The following LMTK2 variants were observed in gnomAD, a reference collection of about 807,000 sequenced individuals.
LMTK2 encodes lemur tail kinase 2.
In LMTK2, 37 loss-of-function variants were observed where a neutral mutation model predicts 127.5. The ratio of observed to expected loss-of-function variants is 0.29; its 90% CI spans 0.22 to 0.38. LMTK2 has a LOEUF of 0.38. Among genes scored for constraint, LMTK2 ranks in the 10% least tolerant of loss-of-function variants. The pLI is 1.00. For synonymous variants in LMTK2, 819 were observed against 810.1 expected, an observed-to-expected ratio of 1.01 and a Z score of -0.19; for missense variants, 1,694 against 1,920.3, an observed-to-expected ratio of 0.88 and a Z score of 2.20.
In LMTK2 at chr7:98,205,821, A is replaced by G. The variant is rs976146799; in HGVS notation, c.*329A>G. The G allele has an allele frequency of 9.8e-6, 4 of 406,652 alleles. No homozygotes were observed. Among genetic ancestry groups the G allele is most frequent in the African/African-American group, 4.1e-5 (2 of 49,242 alleles). 25.2% of individuals were successfully genotyped at this position (406,652 alleles called of 1,614,324 possible). The stretch of plus-strand genomic sequence containing the variant: ...TGCGCGCGCGTGTGGAGCTGTGTGC[A>G]CCGCATGTGTGCTTTCCACAGGGGC... On this transcript the variant is annotated 3_prime_UTR_variant, in exon 14 of 14. Coordinates refer to ENST00000297293, the MANE Select transcript of LMTK2 (RefSeq NM_014916.4).
intron 6 of LMTK2, among the ~76,000 whole-genome samples, chr7:98,168,408 C>T (rs1294359259): frequency 2.0e-5 from 3 of 152,190 alleles, no homozygotes; most frequent in Non-Finnish European, 2.9e-5. Flanking sequence ...TTCGCGGAGG[C>T]GTGGCGGCGT....
Position 98,205,546 on chromosome 7 carries a change from C to T in LMTK2, c.*54C>T. On this transcript the variant is annotated 3_prime_UTR_variant, in exon 14 of 14. Transcript: ENST00000297293. ...GAGGCTGCTCCCCTGGAGCGGCGCC[C>T]CTGCGCCCTCAGCCCGAGCAGCGAC... The T allele has an allele frequency of 6.3e-7, 1 of 1,588,586 alleles. No individual in the cohort carries two copies.
chr7:98,157,214 C>T (rs566432166), intron 5 of LMTK2, among the ~76,000 whole-genome samples: 3 of 151,644 alleles, frequency 2.0e-5, no homozygotes, highest in East Asian at 3.9e-4. Context: ...ATCACACCAC[C>T]GTACTCTAGC....
chr7:98,192,882 C>CA lies in LMTK2; in HGVS notation c.2418dup (p.Leu807IlefsTer62). On this transcript the variant is annotated frameshift_variant, in exon 11 of 14. Coordinates refer to ENST00000297293, the MANE Select transcript of LMTK2 (RefSeq NM_014916.4). LOFTEE classifies it high-confidence loss of function. Reference sequence around the variant, plus strand: ...CTCACAGGTGACACTTTGAGCACCTCATTGCAGTCTTCCCCGGAAGTGCAG... The same window carrying CA: ...CTCACAGGTGACACTTTGAGCACCTCAATTGCAGTCTTCCCCGGAAGTGCAG... 6.2e-7 allele frequency: 1 copy of CA among 1,614,162 alleles called. No individual in the cohort carries two copies.
At chr7:98,131,930 A>T (rs543675966) in intron 1 of LMTK2, among the ~76,000 whole-genome samples, 9 of 152,340 alleles carry the variant, frequency 5.9e-5, no homozygotes, top group African/African-American at 1.7e-4. Flanking sequence ...AGGTCTTTAC[A>T]TTAGCAGTTC....
At chr7:98,205,396 C>G in intron 13 of LMTK2, 68 bp from the exon 14 acceptor site, 1 of 1,583,968 alleles carries the variant, frequency 6.3e-7, no homozygotes, top group Non-Finnish European at 8.7e-7. Context: ...CACATGCCAT[C>G]CACGCCATGC....
chr7:98,164,470 C>T (rs1239631024), intron 6 of LMTK2, among the ~76,000 whole-genome samples: 4 of 152,192 alleles, frequency 2.6e-5, no homozygotes, highest in Non-Finnish European at 5.9e-5. Context: ...TGTAAAATGG[C>T]AGTAATACTG....
At chr7:98,116,248 T>C (rs1796281385) in intron 1 of LMTK2, among the ~76,000 whole-genome samples, 1 of 152,192 alleles carries the variant, frequency 6.6e-6, no homozygotes, top group South Asian at 2.1e-4. Flanking sequence ...CCGTGTCTTA[T>C]ATCCTTGGGA....
chr7:98,138,870 C>T (rs1796635314), intron 2 of LMTK2, among the ~76,000 whole-genome samples: 2 of 152,190 alleles, frequency 1.3e-5, no homozygotes, highest in African/African-American at 2.4e-5. Flanking sequence ...AAGCTTCCCC[C>T]GGAGATGCTG....
At chr7:98,135,361 G>A (rs558101065) in intron 1 of LMTK2, among the ~76,000 whole-genome samples, 2 of 151,634 alleles carry the variant, frequency 1.3e-5, no homozygotes, top group East Asian at 1.9e-4. Context: ...CACCCAGACC[G>A]GAGTGCAGTG....
At chr7:98,126,752 T>G (rs966109328) in intron 1 of LMTK2, 7 of 152,232 alleles carry the variant, frequency 4.6e-5, no homozygotes, top group African/African-American at 1.7e-4. Context: ...ATGATCTCAT[T>G]CACAGGTATT....
rs1797551007 is a variant in LMTK2 at position 98,192,734 on chromosome 7, G to A, written c.2269G>A (p.Ala757Thr). ...TELKNAGFTE[A>T]MLETSCRNSL... ...ACTTAAGAATGCTGGTTTTACTGAA[G>A]CTATGTTAGAAACGTCATGTAGAAA... The change falls in exon 11 of 14, where the codon GCT becomes ACT. Residue 757 changes from alanine (A) to threonine (T), a missense_variant. Physicochemically the swap from Ala to Thr is moderately conservative, Grantham distance 58. Around this residue, in one of 8 missense-constraint regions of LMTK2, gnomAD observed 527 missense variants for 539.8 expected, o/e 0.98. Transcript: ENST00000297293. The A allele has an allele frequency of 1.2e-6, 2 of 1,612,948 alleles. No homozygotes were observed. Among genetic ancestry groups the A allele is most frequent in the East Asian group, 4.5e-5 (2 of 44,860 alleles).
chr7:98,107,071 CG>C lies in LMTK2; in HGVS notation c.-104del. ...AACGTGTGCTCGGGAGCAACCGGCG[CG>C]GGTGCCACTGAGGCAGCGGAGGGAG... is the stretch of plus-strand genomic sequence containing the variant. On this transcript the variant is annotated 5_prime_UTR_variant, in exon 1 of 14. An upstream open reading frame in the 5' UTR loses its in-frame stop. Transcript: ENST00000297293. The C allele has an allele frequency of 1.2e-6, 1 of 831,758 alleles. No homozygotes were observed. Among genetic ancestry groups the C allele is most frequent in the Non-Finnish European group, 1.7e-6 (1 of 589,912 alleles). The allele number at this position is 831,758 out of a possible 1,614,324, so 51.5% of individuals were successfully genotyped here. A position where few individuals can be genotyped will look rare whatever the true frequency, so the allele number is the denominator to read the frequency against.
intron 7 of LMTK2, among the ~76,000 whole-genome samples, chr7:98,173,175 G>A (rs867686769): frequency 1.2e-4 from 19 of 152,300 alleles, no homozygotes; most frequent in African/African-American, 4.1e-4. Flanking sequence ...TTAAACAGGC[G>A]TGGAAAAGTA....
chr7:98,164,777 G>A (rs974371085), intron 6 of LMTK2, among the ~76,000 whole-genome samples: 11 of 152,128 alleles, frequency 7.2e-5, no homozygotes, highest in Non-Finnish European at 1.3e-4. Flanking sequence ...AAGCACGCTG[G>A]AGACCAGGCT....
chr7:98,150,970 T>G lies in LMTK2; in HGVS notation c.377-412T>G, dbSNP rs1028346457. On this transcript the variant is annotated intron_variant, in intron 3 of 13. Coordinates refer to ENST00000297293, the MANE Select transcript of LMTK2 (RefSeq NM_014916.4). ...TATTAAAGTGTATCAAAGTGTATAT[T>G]TTAAATATGTGGACTTTATTGTATA... Among the ~76,000 whole-genome samples the G allele has an allele frequency of 9.2e-5, 14 of 152,222 alleles. 1 individual carries two copies. The highest frequency in any genetic ancestry group is 3.1e-4 in the African/African-American group (13 of 41,452).
At position 98,191,746 on chromosome 7, in the gene LMTK2, C is replaced by T. The variant is rs373397163; in HGVS notation, c.1281C>T (p.Asn427=). The T allele has an allele frequency of 4.0e-5, 64 of 1,614,124 alleles. No individual in the cohort carries two copies. Among genetic ancestry groups the T allele is most frequent in the African/African-American group, 2.5e-4 (19 of 75,020 alleles). Residue 427 remains asparagine (N), a synonymous_variant, in exon 11 of 14, where the codon AAC becomes AAT. Coordinates refer to ENST00000297293, the MANE Select transcript of LMTK2 (RefSeq NM_014916.4). The part of the protein sequence containing the change: ...DSEVDFEQQW[N]ALKPNTNSRD... ...AGGTCGACTTTGAACAGCAGTGGAA[C>T]GCTCTGAAGCCGAACACAAACAGCA...
At chr7:98,204,716 G>A (rs1014982652) in intron 13 of LMTK2, among the ~76,000 whole-genome samples, 27 of 152,218 alleles carry the variant, frequency 1.8e-4, no homozygotes, top group Non-Finnish European at 3.7e-4. Context: ...GCTCGTTACC[G>A]GCCACCCTGT....
intron 1 of LMTK2, among the ~76,000 whole-genome samples, chr7:98,133,096 T>C (rs1342266503): frequency 3.3e-5 from 5 of 152,244 alleles, no homozygotes; most frequent in Non-Finnish European, 7.3e-5. Context: ...ACTCACAGAA[T>C]GTGCTGTAGA....
Sources: gnomAD v4.1 joint callset for allele counts (sites outside exome capture counted in the v4.1 genomes callset) on GRCh38, gnomAD v4.1.1 for gene constraint, gnomAD v4.1.1 regional missense constraint, MANE v1.5 for transcripts, NCBI Gene and HGNC (gene_info 2026-07-23, HGNC 2026-07-21) for gene names.